TNFAIP8: variants seen among roughly 807,000 people sequenced by gnomAD.
The protein encoded by TNFAIP8 is TNF alpha induced protein 8, also known as tumor necrosis factor alpha-induced protein 8.
In TNFAIP8, 7 loss-of-function variants were observed where a neutral mutation model predicts 13.3. The observed-to-expected ratio is 0.52, with a 90% CI of 0.30 to 0.99. The LOEUF (loss-of-function observed/expected upper bound fraction) is 0.99, where lower values mean the gene tolerates loss of function less well. Ranked by LOEUF, TNFAIP8 falls within the 50% of genes least tolerant of loss-of-function variation. TNFAIP8 has a pLI of 0.07. For missense variants in TNFAIP8, 258 were observed against 236.9 expected, an observed-to-expected ratio of 1.09 and a Z score of -0.58; for synonymous variants, 94 against 87.6, an observed-to-expected ratio of 1.07 and a Z score of -0.41.
In TNFAIP8 at chr5:119,291,701, C is replaced by T. The variant is rs575242048; in HGVS notation, c.1+22794C>T. The stretch of plus-strand genomic sequence containing the variant: ...TAGGATTTGGGGCAGAGTTTTTTCC[C>T]TCTTATGCCCCTTAGTTTGAATGGA... On this transcript the variant is annotated intron_variant, in intron 1 of 1. Coordinates refer to the TNFAIP8 transcript ENST00000274456. 6.9e-4 allele frequency among the ~76,000 whole-genome samples: 105 copies of T among 152,280 alleles called. 1 individual carries two copies. In the South Asian group the frequency reaches 0.022, roughly 31 times the overall value.
At chr5:119,355,785 C>T (rs1052288106), upstream of TNFAIP8, 5 of 432,788 alleles carry the variant, frequency 1.2e-5, no homozygotes, top group Non-Finnish European at 1.3e-5. Context: ...GGCCTGTGCC[C>T]CACCTGCGTG....
intron 1 of TNFAIP8, among the ~76,000 whole-genome samples, chr5:119,356,360 C>T (rs1041889104): frequency 3.9e-5 from 6 of 151,972 alleles, no homozygotes; most frequent in Non-Finnish European, 7.4e-5. Context: ...GTTCAGCCAG[C>T]CCACTAAGTC....
chr5:119,391,081 A>G (rs535449049), intron 1 of TNFAIP8, among the ~76,000 whole-genome samples: 13 of 148,192 alleles, frequency 8.8e-5, no homozygotes, highest in Non-Finnish European at 8.9e-5. Context: ...TCCTCTCCCT[A>G]CCTGGGCCTG....
intron 1 of TNFAIP8, among the ~76,000 whole-genome samples, chr5:119,321,535 C>T (rs1476826470): frequency 6.6e-6 from 1 of 152,204 alleles, no homozygotes; most frequent in East Asian, 1.9e-4. Context: ...CCCACACTGG[C>T]TCCTTCCTGG....
chr5:119,349,237 C>T (rs1299449011), intron 1 of TNFAIP8, among the ~76,000 whole-genome samples: 1 of 152,192 alleles, frequency 6.6e-6, no homozygotes, highest in Admixed American at 6.5e-5. Flanking sequence ...TTTAGGGCCT[C>T]CATATAGACA....
intron 1 of TNFAIP8, among the ~76,000 whole-genome samples, chr5:119,281,287 TACAC>T (rs1554167569): frequency 8.9e-6 from 1 of 112,302 alleles, no homozygotes; most frequent in African/African-American, 3.1e-5. Context: ...CACACACACA[TACAC>T]ACACACACAC....
intron 1 of TNFAIP8, among the ~76,000 whole-genome samples, chr5:119,367,749 C>T (rs973574953): frequency 3.9e-5 from 6 of 152,038 alleles, no homozygotes; most frequent in Admixed American, 1.3e-4. Context: ...AAAAATAAAG[C>T]GGGGATTTCT....
chr5:119,300,767 A>G (rs184730411), intron 1 of TNFAIP8, among the ~76,000 whole-genome samples: 99 of 152,242 alleles, frequency 6.5e-4, no homozygotes, highest in African/African-American at 2.3e-3. Flanking sequence ...TTACCCCTTT[A>G]TGGTTGCATT....
chr5:119,337,839 T>A (rs1177570321), intron 1 of TNFAIP8, among the ~76,000 whole-genome samples: 1 of 152,142 alleles, frequency 6.6e-6, no homozygotes, highest in Non-Finnish European at 1.5e-5. Context: ...CTAACTGATT[T>A]CCCCAGCTTC....
At chr5:119,286,466 A>C (rs1385412415) in intron 1 of TNFAIP8, among the ~76,000 whole-genome samples, 1 of 152,104 alleles carries the variant, frequency 6.6e-6, no homozygotes, top group African/African-American at 2.4e-5. Flanking sequence ...CTAAAAATGC[A>C]AAAAAATTAT....
chr5:119,305,166 A>G (rs1199765923), intron 1 of TNFAIP8, among the ~76,000 whole-genome samples: 1 of 152,168 alleles, frequency 6.6e-6, no homozygotes, highest in East Asian at 1.9e-4. Context: ...TACAAAGGAA[A>G]ATAAAAGGTT....
intron 1 of TNFAIP8, among the ~76,000 whole-genome samples, chr5:119,376,785 G>A (rs1752299683): frequency 6.6e-6 from 1 of 152,112 alleles, no homozygotes; most frequent in South Asian, 2.1e-4. Context: ...GGTCAATGAG[G>A]ACTTCCTGAT....
intron 1 of TNFAIP8, among the ~76,000 whole-genome samples, chr5:119,273,456 T>C (rs747223324): frequency 1.3e-5 from 2 of 152,180 alleles, no homozygotes; most frequent in African/African-American, 2.4e-5. Context: ...CTTCAGTGAT[T>C]GCTAGCTGCA....
chr5:119,299,124 A>G (rs1749277426), intron 1 of TNFAIP8, among the ~76,000 whole-genome samples: 1 of 152,200 alleles, frequency 6.6e-6, no homozygotes, highest in African/African-American at 2.4e-5. Context: ...GTCATTCTCC[A>G]TCCAGCTTTG....
intron 1 of TNFAIP8, among the ~76,000 whole-genome samples, chr5:119,293,975 G>C (rs1205458323): frequency 6.6e-6 from 1 of 152,072 alleles, no homozygotes; most frequent in Admixed American, 6.6e-5. Context: ...TACCTTCATT[G>C]GAACCAAATC....
At chr5:119,364,027 C>T (rs561649438) in intron 1 of TNFAIP8, among the ~76,000 whole-genome samples, 59 of 152,308 alleles carry the variant, frequency 3.9e-4, no homozygotes, top group Non-Finnish European at 7.1e-4. Context: ...GGGATGCAAG[C>T]TTCCATGCCT....
intron 1 of TNFAIP8, chr5:119,391,450 T>C (rs940105598): frequency 2.8e-6 from 2 of 702,092 alleles, no homozygotes; most frequent in East Asian, 2.7e-5. Context: ...ACTGCAGTTC[T>C]TAAGCCTTAG....
chr5:119,371,620 A>T (rs112662779), intron 1 of TNFAIP8, among the ~76,000 whole-genome samples: 1 of 12,438 alleles, frequency 8.0e-5, no homozygotes, highest in African/African-American at 3.5e-3. Context: ...AAAGACTTGA[A>T]TTCATTTTTT....
chr5:119,302,925 A>T (rs1316432633), intron 1 of TNFAIP8, among the ~76,000 whole-genome samples: 2 of 152,140 alleles, frequency 1.3e-5, no homozygotes, highest in Non-Finnish European at 2.9e-5. Flanking sequence ...CATTATTGCG[A>T]ATTGTTACGC....
Sources: gnomAD v4.1 joint callset for allele counts (sites outside exome capture counted in the v4.1 genomes callset) on GRCh38, gnomAD v4.1.1 for gene constraint, MANE v1.5 for transcripts, NCBI Gene and HGNC (gene_info 2026-07-23, HGNC 2026-07-21) for gene names.